KIF26B: variants seen among roughly 807,000 people sequenced by gnomAD.
KIF26B encodes kinesin family member 26B.
Under a neutral mutation model 151.2 loss-of-function variants are expected in KIF26B, and 63 were observed. The observed-to-expected ratio is 0.42, with a 90% CI of 0.34 to 0.51. The LOEUF is 0.51. Ranked by LOEUF, KIF26B falls within the 20% of genes least tolerant of loss-of-function variation. The pLI, the probability that KIF26B is intolerant of heterozygous loss-of-function variation, is 0.07. For synonymous variants in KIF26B, 1,357 were observed against 1,262.1 expected (o/e 1.08, Z -1.59); for missense variants, 2,813 against 2,913.6 (o/e 0.97, Z 0.79).
intron 2 of KIF26B, among the ~76,000 whole-genome samples, chr1:245,296,526 G>T (rs1178353570): frequency 6.6e-6 from 1 of 152,154 alleles, no homozygotes; most frequent in East Asian, 1.9e-4. Context: ...TGTGCACCAA[G>T]GTCAGTCCTG....
intron 4 of KIF26B, among the ~76,000 whole-genome samples, chr1:245,436,585 G>A (rs1166141695): frequency 6.6e-6 from 1 of 152,146 alleles, no homozygotes; most frequent in Non-Finnish European, 1.5e-5. Context: ...CAGTCTTAAG[G>A]CCTTCAACTG....
chr1:245,590,155 G>A (rs1410451219), intron 5 of KIF26B, among the ~76,000 whole-genome samples: 2 of 150,752 alleles, frequency 1.3e-5, no homozygotes, highest in East Asian at 4.0e-4. Flanking sequence ...CAACGTGGCA[G>A]GGAGGCCTGC....
intron 4 of KIF26B, among the ~76,000 whole-genome samples, chr1:245,463,732 A>G (rs1410013186): frequency 6.6e-6 from 1 of 152,192 alleles, no homozygotes; most frequent in Non-Finnish European, 1.5e-5. Flanking sequence ...ATTGTGATTC[A>G]AGGTGTAAGA....
intron 10 of KIF26B, among the ~76,000 whole-genome samples, chr1:245,678,875 A>G (rs1488613117): frequency 4.6e-5 from 7 of 152,088 alleles, no homozygotes; most frequent in Non-Finnish European, 1.0e-4. Context: ...AAAAGAAAAA[A>G]AAAAAAGCAA....
rs1280878156 is a variant in KIF26B at position 245,170,425 on chromosome 1, A to C, written c.465+13742A>C. On this transcript the variant is annotated intron_variant, in intron 2 of 14. Coordinates refer to ENST00000407071, the MANE Select transcript of KIF26B (RefSeq NM_018012.4). The surrounding 1 kb of genome is among the most constrained non-coding windows in gnomAD (Gnocchi z 4.4). The stretch of plus-strand genomic sequence containing the variant: ...GTGGGAATGCTCACTGGATGCTTAC[A>C]ATTGGTTCCAGGTGTTCCAGGGACG... Among the ~76,000 whole-genome samples, 1 of 152,220 alleles carries C rather than the reference A, an allele frequency of 6.6e-6. No individual in the cohort carries two copies. The highest frequency in any genetic ancestry group is 1.5e-5 in the Non-Finnish European group (1 of 68,048).
chr1:245,638,308 A>G (rs1281762271), intron 9 of KIF26B, among the ~76,000 whole-genome samples: 2 of 151,850 alleles, frequency 1.3e-5, no homozygotes, highest in African/African-American at 4.8e-5. Flanking sequence ...TAGAAATGTT[A>G]CACATTTTGC....
chr1:245,699,186 A>C (rs1173066303), intron 14 of KIF26B, 149 bp downstream of exon 14: 1 of 799,310 alleles, frequency 1.3e-6, no homozygotes. Flanking sequence ...GCACCGAGCG[A>C]GCAGCCCTAC....
intron 5 of KIF26B, among the ~76,000 whole-genome samples, chr1:245,558,482 T>A (rs1458393444): frequency 6.6e-6 from 1 of 152,224 alleles, no homozygotes; most frequent in East Asian, 1.9e-4. Flanking sequence ...TTGGATGTTA[T>A]CCCTTCACCC....
intron 4 of KIF26B, among the ~76,000 whole-genome samples, chr1:245,497,350 A>C (rs1243390057): frequency 2.0e-5 from 3 of 152,190 alleles, no homozygotes; most frequent in Admixed American, 6.5e-5. Context: ...TTCATTTCCA[A>C]GTACAACTGG....
At chr1:245,337,134 T>TTTTATTTA (rs59391704) in intron 2 of KIF26B, among the ~76,000 whole-genome samples, 31 of 148,138 alleles carry the variant, frequency 2.1e-4, no homozygotes, top group Non-Finnish European at 3.3e-4. Context: ...CATTTAGAAG[T>TTTTATTTA]TTTATTTATT....
chr1:245,508,002 G>T (rs901092065), intron 4 of KIF26B, among the ~76,000 whole-genome samples: 1 of 152,126 alleles, frequency 6.6e-6, no homozygotes, highest in Admixed American at 6.5e-5. Flanking sequence ...TGGAAGATCG[G>T]GTTCCAGATC....
chr1:245,538,273 A>G (rs989429881), intron 4 of KIF26B, among the ~76,000 whole-genome samples: 5 of 152,210 alleles, frequency 3.3e-5, no homozygotes, highest in African/African-American at 9.6e-5. Context: ...GCCAGCACAG[A>G]CAACACTTTC....
chr1:245,165,140 C>T (rs1403144007), intron 2 of KIF26B, among the ~76,000 whole-genome samples: 1 of 151,628 alleles, frequency 6.6e-6, no homozygotes, highest in African/African-American at 2.4e-5. Context: ...TCACCGAGAC[C>T]AGTTGGGAGG....
chr1:245,383,910 G>A (rs916173441), intron 3 of KIF26B, among the ~76,000 whole-genome samples: 3 of 152,150 alleles, frequency 2.0e-5, no homozygotes, highest in South Asian at 2.1e-4. Flanking sequence ...ACGTGTGCCT[G>A]GGTTGCTAAA....
intron 2 of KIF26B, among the ~76,000 whole-genome samples, chr1:245,365,839 C>T (rs1000287673): frequency 6.6e-6 from 1 of 152,160 alleles, no homozygotes; most frequent in Non-Finnish European, 1.5e-5. Flanking sequence ...AGTGAGTTGT[C>T]TGAGGTCACT....
chr1:245,632,801 C>T lies in KIF26B; in HGVS notation c.2099-13320C>T, dbSNP rs574535274. ...CATGCACCTGTAGTGCCAGCTACTCCGGAGGCCAAGGTGGAAGGATCGTTT... is the reference window on the plus strand; with the variant it reads ...CATGCACCTGTAGTGCCAGCTACTCTGGAGGCCAAGGTGGAAGGATCGTTT... On this transcript the variant is annotated intron_variant, in intron 9 of 14. Transcript: ENST00000407071. Among the ~76,000 whole-genome samples, 34 of 152,190 alleles carry T rather than the reference C, an allele frequency of 2.2e-4. No individual in the cohort carries two copies. The South Asian group carries it at 4.4e-3, about 20-fold the overall frequency.
chr1:245,364,174 T>G (rs1672885785), intron 2 of KIF26B, among the ~76,000 whole-genome samples: 1 of 152,028 alleles, frequency 6.6e-6, no homozygotes, highest in Non-Finnish European at 1.5e-5. Context: ...GAAACCAAAG[T>G]CTCCGCTTGT....
At chr1:245,530,027 A>G (rs1211984706) in intron 4 of KIF26B, among the ~76,000 whole-genome samples, 5 of 152,252 alleles carry the variant, frequency 3.3e-5, no homozygotes, top group Admixed American at 6.5e-5. Context: ...ATCTGAATAG[A>G]CATTTCTCGA....
intron 2 of KIF26B, among the ~76,000 whole-genome samples, chr1:245,250,031 T>A (rs1670413276): frequency 6.6e-6 from 1 of 152,216 alleles, no homozygotes; most frequent in Non-Finnish European, 1.5e-5. Context: ...AAAATTTAAA[T>A]CTATAGGAAA....
Sources: gnomAD v4.1 joint callset for allele counts (sites outside exome capture counted in the v4.1 genomes callset) on GRCh38, gnomAD v4.1.1 for gene constraint, Gnocchi (gnomAD v3.1) non-coding constraint, MANE v1.5 for transcripts, NCBI Gene and HGNC (gene_info 2026-07-23, HGNC 2026-07-21) for gene names.